The following BICC1 variants were observed in gnomAD, a reference collection of about 807,000 sequenced individuals.
BICC1 encodes the protein protein bicaudal C homolog 1.
BICC1 carries 43 observed loss-of-function variants against 111.0 expected under a neutral mutation model. The ratio of observed to expected loss-of-function variants is 0.39; its 90% CI spans 0.30 to 0.50. The LOEUF (loss-of-function observed/expected upper bound fraction) is 0.50, where lower values mean the gene tolerates loss of function less well. Among genes scored for constraint, BICC1 ranks in the 20% least tolerant of loss-of-function variants. The pLI, the probability that BICC1 is intolerant of heterozygous loss-of-function variation, is 0.88. For synonymous variants in BICC1, 467 were observed against 434.4 expected (o/e 1.07, Z -0.93); for missense variants, 1,091 against 1,203.2 (o/e 0.91, Z 1.38).
intron 3 of BICC1, among the ~76,000 whole-genome samples, chr10:58,728,704 A>AAGT (rs1554825943): frequency 6.7e-6 from 1 of 150,344 alleles, no homozygotes; most frequent in Non-Finnish European, 1.5e-5. Flanking sequence ...TGTATTTCTT[A>AAGT]AATAATAATA....
intron 2 of BICC1, among the ~76,000 whole-genome samples, chr10:58,634,071 T>C (rs1006092371): frequency 6.7e-6 from 1 of 149,850 alleles, no homozygotes; most frequent in Non-Finnish European, 1.5e-5. Flanking sequence ...GTCAGCTCAC[T>C]GCAACCTCCA....
chr10:58,632,883 A>T (rs941581329), intron 2 of BICC1, among the ~76,000 whole-genome samples: 6 of 151,988 alleles, frequency 3.9e-5, no homozygotes, highest in African/African-American at 1.4e-4. Flanking sequence ...AGATAGATAG[A>T]TATCACTTCA....
intron 1 of BICC1, 47 bp from the exon 2 acceptor site, chr10:58,620,808 T>G: frequency 6.3e-7 from 1 of 1,578,886 alleles, no homozygotes; most frequent in Middle Eastern, 1.9e-4. Context: ...GTTTTTTGAA[T>G]GCATACATTG....
intron 2 of BICC1, among the ~76,000 whole-genome samples, chr10:58,672,386 C>T (rs1454034446): frequency 6.6e-6 from 1 of 152,082 alleles, no homozygotes; most frequent in Non-Finnish European, 1.5e-5. Context: ...TAAGGACGGG[C>T]ACTTATTTAG....
rs148108278 is a variant in BICC1, at chr10:58,680,897, A to G, written c.238-21177A>G. ...GTCTACAACCATCTGATCTTTGACAAACCTGACAAAAACAAGCAATGGTGA... is the reference window on the plus strand; with the variant it reads ...GTCTACAACCATCTGATCTTTGACAGACCTGACAAAAACAAGCAATGGTGA... On this transcript the variant is annotated intron_variant, in intron 2 of 20. Transcript: ENST00000373886. 2.0e-5 allele frequency among the ~76,000 whole-genome samples: 3 copies of G among 152,344 alleles called. No individual in the cohort carries two copies. In the East Asian group the frequency reaches 5.8e-4, roughly 29 times the overall value.
intron 2 of BICC1, among the ~76,000 whole-genome samples, chr10:58,625,305 T>C (rs540425696): frequency 4.9e-4 from 75 of 152,324 alleles, no homozygotes; most frequent in African/African-American, 1.6e-3. Context: ...TGGTCAGATC[T>C]TGGAGGGGAA....
At chr10:58,536,868 C>T (rs1350580274) in intron 1 of BICC1, among the ~76,000 whole-genome samples, 2 of 151,540 alleles carry the variant, frequency 1.3e-5, no homozygotes, top group Non-Finnish European at 3.0e-5. Flanking sequence ...AAAATGGAGA[C>T]ATTACAACTG....
chr10:58,670,136 T>A (rs778910770), intron 2 of BICC1, among the ~76,000 whole-genome samples: 4 of 152,160 alleles, frequency 2.6e-5, no homozygotes, highest in South Asian at 2.1e-4. Context: ...AAATTATTTT[T>A]AAAAATATTT....
At chr10:58,646,953 G>T (rs1301157651) in intron 2 of BICC1, among the ~76,000 whole-genome samples, 2 of 151,722 alleles carry the variant, frequency 1.3e-5, no homozygotes, top group Admixed American at 1.3e-4. Context: ...AGTAAAAATG[G>T]TATATACTTA....
intron 2 of BICC1, among the ~76,000 whole-genome samples, chr10:58,622,999 C>T (rs942045460): frequency 2.0e-5 from 3 of 152,132 alleles, no homozygotes; most frequent in Admixed American, 6.5e-5. Flanking sequence ...AAAGTTAAAA[C>T]CTCTCTTTAG....
At chr10:58,758,888 A>C (rs943720121) in intron 3 of BICC1, among the ~76,000 whole-genome samples, 4 of 151,994 alleles carry the variant, frequency 2.6e-5, no homozygotes, top group Non-Finnish European at 5.9e-5. Context: ...CACTTGCTTA[A>C]GTCCAATTTA....
intron 3 of BICC1, among the ~76,000 whole-genome samples, chr10:58,755,331 C>CTA (rs1319440368): frequency 9.8e-5 from 15 of 152,304 alleles, no homozygotes; most frequent in African/African-American, 3.6e-4. Context: ...AGGGGAAAGG[C>CTA]TACAGCTTCC....
Position 58,592,799 on chromosome 10 carries a change from C to T in BICC1, c.191-28056C>T, listed in dbSNP as rs1463573418. Among the ~76,000 whole-genome samples, 17 of 148,078 alleles carry T rather than the reference C, an allele frequency of 1.1e-4. 1 individual carries two copies. The South Asian group carries it at 2.6e-3, about 23-fold the overall frequency. ...GGCTGAAGCAGAAGAATTGCTTGAA[C>T]CCGGGAGGTGGAGGTTGCAGTGAGC... On this transcript the variant is annotated intron_variant, in intron 1 of 20. Transcript: ENST00000373886.
chr10:58,740,498 G>T (rs923644130), intron 3 of BICC1, among the ~76,000 whole-genome samples: 2 of 151,960 alleles, frequency 1.3e-5, no homozygotes, highest in Non-Finnish European at 2.9e-5. Flanking sequence ...GATTGTGTTG[G>T]GGCTTTTGTT....
At chr10:58,684,900 G>C (rs201166900) in intron 2 of BICC1, among the ~76,000 whole-genome samples, 1 of 149,216 alleles carries the variant, frequency 6.7e-6, no homozygotes, top group Non-Finnish European at 1.5e-5. Context: ...CTTAGTTATT[G>C]CCTTCTGCTA....
At chr10:58,769,973 A>T (rs572681160) in intron 3 of BICC1, among the ~76,000 whole-genome samples, 1 of 152,164 alleles carries the variant, frequency 6.6e-6, no homozygotes, top group Non-Finnish European at 1.5e-5. Context: ...TCAGGTTTAC[A>T]TATCTTTATT....
intron 3 of BICC1, among the ~76,000 whole-genome samples, chr10:58,758,282 T>G (rs1242100490): frequency 6.6e-6 from 1 of 152,240 alleles, no homozygotes; most frequent in African/African-American, 2.4e-5. Context: ...CCATATATAC[T>G]TATAGATTTG....
At chr10:58,659,675 G>A (rs899477181) in intron 2 of BICC1, among the ~76,000 whole-genome samples, 1 of 152,002 alleles carries the variant, frequency 6.6e-6, no homozygotes, top group African/African-American at 2.4e-5. Context: ...CAGTTTACCT[G>A]TATAACAAAC....
At chr10:58,574,951 T>G (rs1844064688) in intron 1 of BICC1, among the ~76,000 whole-genome samples, 2 of 152,224 alleles carry the variant, frequency 1.3e-5, no homozygotes, top group South Asian at 4.1e-4. Context: ...TACATTTGTG[T>G]GAAAACGAGT....
Sources: gnomAD v4.1 joint callset for allele counts (sites outside exome capture counted in the v4.1 genomes callset) on GRCh38, gnomAD v4.1.1 for gene constraint, MANE v1.5 for transcripts, NCBI Gene and HGNC (gene_info 2026-07-23, HGNC 2026-07-21) for gene names.